The following FERMT2 variants were observed in gnomAD, a reference collection of about 807,000 sequenced individuals.
FERMT2 encodes the protein fermitin family homolog 2.
Under a neutral mutation model 82.7 loss-of-function variants are expected in FERMT2, and 15 were observed. That is an observed-to-expected ratio of 0.18 (90% CI 0.12 to 0.28). The LOEUF is 0.28. Ranked by LOEUF, FERMT2 falls within the 10% of genes least tolerant of loss-of-function variation. The probability of loss-of-function intolerance (pLI) is 1.00; values close to 1 mark genes in which losing one functional copy is unlikely to be tolerated. For synonymous variants in FERMT2, 274 were observed against 271.5 expected (o/e 1.01, Z -0.09); for missense variants, 645 against 809.4 (o/e 0.80, Z 2.46).
At chr14:52,904,274 T>G (rs1887849949) in intron 3 of FERMT2, among the ~76,000 whole-genome samples, 1 of 152,216 alleles carries the variant, frequency 6.6e-6, no homozygotes, top group African/African-American at 2.4e-5. Flanking sequence ...CTCAGCACTT[T>G]GGGAGGCCAA....
chr14:52,926,039 C>G (rs773670648), intron 2 of FERMT2, among the ~76,000 whole-genome samples: 2 of 152,202 alleles, frequency 1.3e-5, no homozygotes, highest in Non-Finnish European at 2.9e-5. Flanking sequence ...GACTATGCAA[C>G]TGTAACTTGA....
chr14:52,902,892 C>CAAACAAAAAAAAAAAAA (rs1355070805), intron 3 of FERMT2, among the ~76,000 whole-genome samples: 377 of 36,756 alleles, frequency 0.01, 4 homozygotes, highest in Non-Finnish European at 0.015. Flanking sequence ...AAAAAAAAAA[C>CAAACAAAAAAAAAAAAA]CCCAAAACAC....
chr14:52,859,444 C>T (rs1884765061), intron 14 of FERMT2, 129 bp downstream of exon 14: 2 of 878,700 alleles, frequency 2.3e-6, no homozygotes, highest in South Asian at 3.5e-5. Flanking sequence ...GAATAGTCAA[C>T]CATGGTCTGT....
rs1246480663 is a variant in FERMT2 at position 52,869,713 on chromosome 14, C to CAAAGT, written c.1273+3081_1273+3085dup. Among the ~76,000 whole-genome samples the CAAAGT allele has an allele frequency of 8.5e-5, 13 of 152,272 alleles. No homozygotes were observed. In the South Asian group the frequency reaches 2.1e-3, roughly 24 times the overall value. ...TACTATTCTTTTCATCATTATTTTA[C>CAAAGT]AAAGTACTTCTACTTAAATAAAAAA... On this transcript the variant is annotated intron_variant, in intron 10 of 14. Coordinates refer to ENST00000341590, the MANE Select transcript of FERMT2 (RefSeq NM_006832.3).
At chr14:52,890,370 G>A (rs545994362) in intron 4 of FERMT2, among the ~76,000 whole-genome samples, 139 of 148,978 alleles carry the variant, frequency 9.3e-4, no homozygotes, top group African/African-American at 3.3e-3. Context: ...CTTGAACCCA[G>A]GAGGCGGAGG....
At chr14:52,939,395 G>C (rs1013618920) in intron 2 of FERMT2, among the ~76,000 whole-genome samples, 1 of 141,024 alleles carries the variant, frequency 7.1e-6, no homozygotes, top group African/African-American at 2.6e-5. Context: ...AAAAAACAAA[G>C]AACTATTTGG....
At chr14:52,895,698 C>G (rs1216212397) in intron 3 of FERMT2, among the ~76,000 whole-genome samples, 1 of 152,158 alleles carries the variant, frequency 6.6e-6, no homozygotes, top group Non-Finnish European at 1.5e-5. Flanking sequence ...TATTCTGAAT[C>G]TTGATTGTGG....
At chr14:52,946,096 C>T (rs1013388535) in intron 2 of FERMT2, among the ~76,000 whole-genome samples, 8 of 152,028 alleles carry the variant, frequency 5.3e-5, no homozygotes, top group South Asian at 2.1e-4. Context: ...AGGCTGGTCT[C>T]GAGCTCCTAA....
intron 4 of FERMT2, chr14:52,881,826 T>C: frequency 7.8e-7 from 1 of 1,288,468 alleles, no homozygotes; most frequent in Non-Finnish European, 1.0e-6. Flanking sequence ...AGAACATCAG[T>C]GCCTATAGGA....
chr14:52,898,004 A>G (rs185880272), intron 3 of FERMT2, among the ~76,000 whole-genome samples: 10 of 151,382 alleles, frequency 6.6e-5, no homozygotes, highest in African/African-American at 2.2e-4. Flanking sequence ...ACAACCAAAA[A>G]AAAAACCCCA....
intron 4 of FERMT2, among the ~76,000 whole-genome samples, chr14:52,891,014 C>T (rs1886910348): frequency 6.6e-6 from 1 of 152,166 alleles, no homozygotes; most frequent in Non-Finnish European, 1.5e-5. Flanking sequence ...AAATTTGATA[C>T]TCTTTCTACA....
At chr14:52,910,748 G>T (rs137964225) in intron 3 of FERMT2, among the ~76,000 whole-genome samples, 4 of 152,260 alleles carry the variant, frequency 2.6e-5, no homozygotes, top group African/African-American at 7.2e-5. Context: ...ATAGTGTTCT[G>T]CTGGTCTTGG....
chr14:52,915,870 A>C (rs1312943633), intron 3 of FERMT2, among the ~76,000 whole-genome samples: 1 of 152,206 alleles, frequency 6.6e-6, no homozygotes, highest in Non-Finnish European at 1.5e-5. Context: ...AAAGAACTAC[A>C]AATCAATGGT....
intron 2 of FERMT2, among the ~76,000 whole-genome samples, chr14:52,947,666 C>G (rs184917397): frequency 6.6e-6 from 1 of 152,242 alleles, no homozygotes; most frequent in Admixed American, 6.5e-5. Context: ...ACACTTATGT[C>G]GTGCTTAATT....
At chr14:52,948,616 G>T (rs1474306576) in intron 2 of FERMT2, 3 of 453,994 alleles carry the variant, frequency 6.6e-6, no homozygotes, top group Non-Finnish European at 1.3e-5. Context: ...AGCATTAAAA[G>T]ATTAAGATTA....
At chr14:52,862,149 C>G (rs1884981668) in intron 12 of FERMT2, 1 of 152,206 alleles carries the variant, frequency 6.6e-6, no homozygotes, top group African/African-American at 2.4e-5. Context: ...ACTGCAACCT[C>G]CACCTCCCGG....
intron 2 of FERMT2, among the ~76,000 whole-genome samples, chr14:52,938,303 T>G (rs532525777): frequency 1.3e-5 from 2 of 152,286 alleles, no homozygotes; most frequent in South Asian, 2.1e-4. Flanking sequence ...AAAATCACAG[T>G]TGAAATTTAT....
intron 2 of FERMT2, among the ~76,000 whole-genome samples, chr14:52,949,378 T>G (rs561351062): frequency 3.4e-5 from 4 of 118,204 alleles, no homozygotes; most frequent in African/African-American, 6.2e-5. Context: ...ATGCTGTGTT[T>G]AAAAAAAAAA....
intron 7 of FERMT2, among the ~76,000 whole-genome samples, chr14:52,875,877 A>C (rs912802968): frequency 1.3e-5 from 2 of 152,154 alleles, no homozygotes; most frequent in African/African-American, 2.4e-5. Context: ...CTGTATTCTC[A>C]TATCTAAGAA....
Sources: gnomAD v4.1 joint callset for allele counts (sites outside exome capture counted in the v4.1 genomes callset) on GRCh38, gnomAD v4.1.1 for gene constraint, MANE v1.5 for transcripts, NCBI Gene and HGNC (gene_info 2026-07-23, HGNC 2026-07-21) for gene names.